Variants in AGAP1 observed in about 807,000 individuals in gnomAD.
AGAP1 encodes the protein ArfGAP with GTPase domain, ankyrin repeat and PH domain 1, also known as arf-GAP with GTPase, ANK repeat and PH domain-containing protein 1.
Under a neutral mutation model 105.3 loss-of-function variants are expected in AGAP1, and 29 were observed. That is an observed-to-expected ratio of 0.28 (90% confidence interval 0.21 to 0.38). The LOEUF is 0.38. AGAP1 is among the 10% of genes least tolerant of loss of function. The pLI is 1.00. For missense variants in AGAP1, 998 were observed against 1,165.1 expected (o/e 0.86, Z 2.09); for synonymous variants, 509 against 485.9 (o/e 1.05, Z -0.63).
rs1944091530 is a variant in AGAP1, at chr2:235,559,844, T to C, written c.163+64995T>C. ...TTTGACTGTTTTTAAATTGAGTCTT[T>C]TTATTGTTGAGTGGTTGGAGTTATT... On this transcript the variant is annotated intron_variant, in intron 1 of 17. Transcript: ENST00000304032. This position sits in a 1 kb window ranked among gnomAD's most constrained non-coding sequence, Gnocchi z 5.7. Among the ~76,000 whole-genome samples the C allele has an allele frequency of 6.6e-6, 1 of 152,168 alleles. No homozygotes were observed.
chr2:235,848,210 C>T (rs1451913621), intron 9 of AGAP1, among the ~76,000 whole-genome samples: 1 of 152,214 alleles, frequency 6.6e-6, no homozygotes, highest in Non-Finnish European at 1.5e-5. Context: ...TCACAGTGCC[C>T]TGGGCATGGT....
chr2:235,929,110 G>A (rs903282917), intron 11 of AGAP1, among the ~76,000 whole-genome samples: 12 of 152,328 alleles, frequency 7.9e-5, no homozygotes, highest in Admixed American at 2.0e-4. Flanking sequence ...GCCCAGACCC[G>A]AGGCTTCCGA....
In AGAP1 at chr2:235,660,736, C is replaced by A. The variant is rs999180384; in HGVS notation, c.164-48443C>A. The stretch of plus-strand genomic sequence containing the variant: ...TGTTTAGATGGGGAATCTTGGGATG[C>A]AATAGAAACAACCTCTGTTGGTTTT... On this transcript the variant is annotated intron_variant, in intron 1 of 17. Coordinates refer to ENST00000304032, the MANE Select transcript of AGAP1 (RefSeq NM_001037131.3). This position sits in a 1 kb window ranked among gnomAD's most constrained non-coding sequence, Gnocchi z 5.3. Among the ~76,000 whole-genome samples, 17 of 152,116 alleles carry A rather than the reference C, an allele frequency of 1.1e-4. No individual in the cohort carries two copies. The highest frequency in any genetic ancestry group is 4.1e-4 in the African/African-American group (17 of 41,424).
Position 235,700,863 on chromosome 2 carries a change from C to T in AGAP1, c.164-8316C>T, listed in dbSNP as rs1950213406. ...ATTATATATGTATATATTGTATACT[C>T]TACATAGTATATATTTATAATATAT... On this transcript the variant is annotated intron_variant, in intron 1 of 17. Coordinates refer to ENST00000304032, the MANE Select transcript of AGAP1 (RefSeq NM_001037131.3). This position sits in a 1 kb window ranked among gnomAD's most constrained non-coding sequence, Gnocchi z 6.1. 6.8e-6 allele frequency among the ~76,000 whole-genome samples: 1 copy of T among 147,172 alleles called. No individual in the cohort carries two copies. The highest frequency in any genetic ancestry group is 1.5e-5 in the Non-Finnish European group (1 of 67,216).
Position 235,993,377 on chromosome 2 carries a change from A to G in AGAP1, c.1645+24754A>G, listed in dbSNP as rs1048022033. 5.3e-5 allele frequency among the ~76,000 whole-genome samples: 8 copies of G among 152,136 alleles called. No homozygotes were observed. Among genetic ancestry groups the G allele is most frequent in the Non-Finnish European group, 1.0e-4 (7 of 68,034 alleles). On this transcript the variant is annotated intron_variant, in intron 13 of 17. Transcript: ENST00000304032. The surrounding 1 kb of genome is among the most constrained non-coding windows in gnomAD (Gnocchi z 5.0). ...GGCTGGAAGCCCAAGAAGGCAGGAG[A>G]CTCGTCTCAGATATTTCCTGGTGTC... is the stretch of plus-strand genomic sequence containing the variant.
Position 235,620,139 on chromosome 2 carries a change from C to T in AGAP1, c.164-89040C>T, listed in dbSNP as rs374854662. ...TGGAGACTTGTCATTCTTCTCCTGC[C>T]GGGCATGGATGCTGACAATAGAACT... On this transcript the variant is annotated intron_variant, in intron 1 of 17. Transcript: ENST00000304032. This position sits in a 1 kb window ranked among gnomAD's most constrained non-coding sequence, Gnocchi z 4.5. Among the ~76,000 whole-genome samples the T allele has an allele frequency of 5.9e-5, 9 of 152,114 alleles. No individual in the cohort carries two copies. Among genetic ancestry groups the T allele is most frequent in the Non-Finnish European group, 1.3e-4 (9 of 68,040 alleles).
chr2:235,641,645 C>G (rs552255711), intron 1 of AGAP1, among the ~76,000 whole-genome samples: 1 of 152,224 alleles, frequency 6.6e-6, no homozygotes, highest in African/African-American at 2.4e-5. Context: ...CTTTCCCCCC[C>G]ACATACGTTC....
intron 13 of AGAP1, among the ~76,000 whole-genome samples, chr2:236,019,036 G>A (rs1314052386): frequency 4.6e-5 from 7 of 152,222 alleles, no homozygotes; most frequent in Non-Finnish European, 1.5e-5. Context: ...GATGGTCACT[G>A]TTCCTCTGAG....
Position 236,090,896 on chromosome 2 carries a change from T to C in AGAP1, c.2115-29296T>C, listed in dbSNP as rs899348147. 2.0e-5 allele frequency among the ~76,000 whole-genome samples: 3 copies of C among 152,162 alleles called. No individual in the cohort carries two copies. The highest frequency in any genetic ancestry group is 4.4e-5 in the Non-Finnish European group (3 of 68,018). ...CTGGGATTACAGGCATGCGCCACCA[T>C]ACCCGGCTAATTTTGCATTTTTAGT... is the stretch of plus-strand genomic sequence containing the variant. On this transcript the variant is annotated intron_variant, in intron 16 of 17. Coordinates refer to ENST00000304032, the MANE Select transcript of AGAP1 (RefSeq NM_001037131.3). This position sits in a 1 kb window ranked among gnomAD's most constrained non-coding sequence, Gnocchi z 4.3.
intron 9 of AGAP1, among the ~76,000 whole-genome samples, chr2:235,807,931 C>T (rs943407360): frequency 6.6e-6 from 1 of 152,136 alleles, no homozygotes; most frequent in African/African-American, 2.4e-5. Context: ...TAAACTTTCT[C>T]ATTACACAAC....
intron 1 of AGAP1, among the ~76,000 whole-genome samples, chr2:235,617,777 A>G (rs1040614962): frequency 6.6e-6 from 1 of 152,222 alleles, no homozygotes; most frequent in Non-Finnish European, 1.5e-5. Context: ...GGATAGAAAC[A>G]TGTCTTGCAT....
At position 235,610,041 on chromosome 2, in the gene AGAP1, A is replaced by G. The variant is rs535553732; in HGVS notation, c.164-99138A>G. 1.3e-5 allele frequency among the ~76,000 whole-genome samples: 2 copies of G among 152,092 alleles called. No individual in the cohort carries two copies. The highest frequency in any genetic ancestry group is 2.9e-5 in the Non-Finnish European group (2 of 68,034). ...GATAATGGTAAAGTTGCCAGCAGCA[A>G]TGCTTTTCCTGCATTTGCCCCAACT... On this transcript the variant is annotated intron_variant, in intron 1 of 17. Coordinates refer to ENST00000304032, the MANE Select transcript of AGAP1 (RefSeq NM_001037131.3). The surrounding 1 kb of genome is among the most constrained non-coding windows in gnomAD (Gnocchi z 4.9).
At position 235,569,486 on chromosome 2, in the gene AGAP1, A is replaced by G. The variant is rs987874690; in HGVS notation, c.163+74637A>G. On this transcript the variant is annotated intron_variant, in intron 1 of 17. Coordinates refer to ENST00000304032, the MANE Select transcript of AGAP1 (RefSeq NM_001037131.3). This position sits in a 1 kb window ranked among gnomAD's most constrained non-coding sequence, Gnocchi z 5.9. ...GCACAGAGAGACTTTTGGTGGCTCT[A>G]TAGGCAGTAAAGGGCAAAATGGAAA... 2.6e-5 allele frequency among the ~76,000 whole-genome samples: 4 copies of G among 152,160 alleles called. No homozygotes were observed. The highest frequency in any genetic ancestry group is 7.2e-5 in the African/African-American group (3 of 41,438).
chr2:236,019,132 A>G (rs1256255739), intron 13 of AGAP1, among the ~76,000 whole-genome samples: 1 of 152,178 alleles, frequency 6.6e-6, no homozygotes, highest in Non-Finnish European at 1.5e-5. Flanking sequence ...ACTCATTCAC[A>G]GTTAAACAAA....
At chr2:235,670,598 C>A (rs998265873) in intron 1 of AGAP1, 42 of 564,036 alleles carry the variant, frequency 7.4e-5, no homozygotes, top group Non-Finnish European at 1.2e-4. Flanking sequence ...GCCGCAAGGC[C>A]GGACACTGGG....
chr2:235,670,950 C>T lies in AGAP1; in HGVS notation c.164-38229C>T, dbSNP rs1443162652. ...GACGGGGGCCCGGGCGGCGGGCCCT[C>T]GCCACGGAGCGGAGCCTCGCGGCCA... is the stretch of plus-strand genomic sequence containing the variant. On this transcript the variant is annotated intron_variant, in intron 1 of 17. Coordinates refer to ENST00000304032, the MANE Select transcript of AGAP1 (RefSeq NM_001037131.3). The T allele has an allele frequency of 3.8e-6, 5 of 1,316,868 alleles. No individual in the cohort carries two copies. In the African/African-American group the frequency reaches 4.6e-5, roughly 12 times the overall value. The allele number at this position is 1,316,868 out of a possible 1,614,324, so 81.6% of individuals were successfully genotyped here. A position where few individuals can be genotyped will look rare whatever the true frequency, so the allele number is the denominator to read the frequency against.
chr2:236,025,748 AAG>A lies in AGAP1; in HGVS notation c.1646-10812_1646-10811del, dbSNP rs149157272. On this transcript the variant is annotated intron_variant, in intron 13 of 17. Coordinates refer to ENST00000304032, the MANE Select transcript of AGAP1 (RefSeq NM_001037131.3). Reference sequence around the variant, plus strand: ...AACACCAGAAATCCAGTTTTAAAAAAAGGAGACGCTGGGCGTGGTGGCTCACA... The same window carrying A: ...AACACCAGAAATCCAGTTTTAAAAAAGAGACGCTGGGCGTGGTGGCTCACA... 6.4e-3 allele frequency among the ~76,000 whole-genome samples: 978 copies of A among 152,276 alleles called. 19 individuals are homozygous for A. Among genetic ancestry groups the A allele is most frequent in the East Asian group, 0.046 (240 of 5,162 alleles).
chr2:235,924,482 G>A (rs143974032), intron 11 of AGAP1, among the ~76,000 whole-genome samples: 4 of 152,218 alleles, frequency 2.6e-5, no homozygotes, highest in African/African-American at 4.8e-5. Context: ...GCGGCTGCTC[G>A]GCCCGCTAGA....
At chr2:236,004,580 A>C (rs973999300) in intron 13 of AGAP1, among the ~76,000 whole-genome samples, 2 of 152,224 alleles carry the variant, frequency 1.3e-5, no homozygotes, top group African/African-American at 4.8e-5. Flanking sequence ...CACAATTCCA[A>C]ATAAAATATA....
Sources: gnomAD v4.1 joint callset for allele counts (sites outside exome capture counted in the v4.1 genomes callset) on GRCh38, gnomAD v4.1.1 for gene constraint, Gnocchi (gnomAD v3.1) non-coding constraint, MANE v1.5 for transcripts, NCBI Gene and HGNC (gene_info 2026-07-23, HGNC 2026-07-21) for gene names.